KCNIP4: variants seen among roughly 807,000 people sequenced by gnomAD.
KCNIP4 encodes Kv channel-interacting protein 4.
Under a neutral mutation model 34.0 loss-of-function variants are expected in KCNIP4, and 12 were observed. The ratio of observed to expected loss-of-function variants is 0.35; its 90% CI spans 0.23 to 0.57. The LOEUF (loss-of-function observed/expected upper bound fraction) is 0.57, where lower values mean the gene tolerates loss of function less well. KCNIP4 is among the 20% of genes least tolerant of loss of function. The pLI is 0.83. For synonymous variants in KCNIP4, 124 were observed against 102.2 expected, an observed-to-expected ratio of 1.21 and a Z score of -1.29; for missense variants, 238 against 311.7, an observed-to-expected ratio of 0.76 and a Z score of 1.78.
At chr4:20,873,648 C>T (rs183275619) in intron 2 of KCNIP4, among the ~76,000 whole-genome samples, 1 of 152,250 alleles carries the variant, frequency 6.6e-6, no homozygotes, top group African/African-American at 2.4e-5. Context: ...CACATCATCC[C>T]TTCTAAAATT....
In KCNIP4 at chr4:21,234,417, CTATATATATTACATATAACGTATAT is replaced by C. The variant is rs1560199384; in HGVS notation, c.62-351733_62-351709del. 1.4e-4 allele frequency among the ~76,000 whole-genome samples: 18 copies of C among 125,174 alleles called. 4 individuals are homozygous for C. Among genetic ancestry groups the C allele is most frequent in the African/African-American group, 4.5e-4 (14 of 31,286 alleles). 82.1% of individuals were successfully genotyped at this position (125,174 alleles called of 152,430 possible). Reference sequence around the variant, plus strand: ...TATATAATATATTATATAACATATACTATATATATTACATATAACGTATATAATATATATTACATATAACGTATAT... The same window carrying C: ...TATATAATATATTATATAACATATACAATATATATTACATATAACGTATAT... On this transcript the variant is annotated intron_variant, in intron 1 of 8. Transcript: ENST00000382152.
At chr4:21,586,597 A>T (rs2109083638) in intron 1 of KCNIP4, among the ~76,000 whole-genome samples, 1 of 152,188 alleles carries the variant, frequency 6.6e-6, no homozygotes, top group South Asian at 2.1e-4. Flanking sequence ...AAGATTTAAG[A>T]TCTTCCCTTT....
chr4:21,331,524 A>C (rs930575560), intron 1 of KCNIP4, among the ~76,000 whole-genome samples: 27 of 152,154 alleles, frequency 1.8e-4, no homozygotes, highest in African/African-American at 6.5e-4. Flanking sequence ...GCTGGGGCCC[A>C]GTAAATTGTA....
At chr4:20,786,373 A>G (rs1578616135) in intron 3 of KCNIP4, among the ~76,000 whole-genome samples, 1 of 152,192 alleles carries the variant, frequency 6.6e-6, no homozygotes, top group Non-Finnish European at 1.5e-5. Flanking sequence ...GTTGGGATCA[A>G]TAGAAGCCTA....
chr4:21,803,985 C>A (rs1721150967), intron 1 of KCNIP4, among the ~76,000 whole-genome samples: 1 of 152,136 alleles, frequency 6.6e-6, no homozygotes, highest in South Asian at 2.1e-4. Flanking sequence ...AGGGAGAAAG[C>A]AACCACGTGG....
intron 1 of KCNIP4, among the ~76,000 whole-genome samples, chr4:21,618,912 C>T (rs1292344121): frequency 6.6e-6 from 1 of 152,038 alleles, no homozygotes; most frequent in Non-Finnish European, 1.5e-5. Context: ...GGATAAGAGA[C>T]ATGAGCCACC....
intron 1 of KCNIP4, among the ~76,000 whole-genome samples, chr4:21,902,201 G>T (rs1034367321): frequency 4.6e-5 from 7 of 152,018 alleles, no homozygotes; most frequent in Non-Finnish European, 7.4e-5. Flanking sequence ...ATAAGATCTG[G>T]GAGTTGAGGC....
intron 1 of KCNIP4, among the ~76,000 whole-genome samples, chr4:21,557,373 G>GA (rs1413566772): frequency 1.3e-5 from 2 of 152,118 alleles, no homozygotes; most frequent in East Asian, 3.9e-4. Context: ...TACAATATTG[G>GA]AAAAAAATAG....
intron 3 of KCNIP4, among the ~76,000 whole-genome samples, chr4:20,827,670 T>C (rs10031021): frequency 0.41 from 62,024 of 151,842 alleles, 13,401 homozygotes; most frequent in Non-Finnish European, 0.49. Context: ...CATTGGTCAG[T>C]ATTCTGAGCT....
chr4:21,144,525 C>A (rs1752209724), intron 1 of KCNIP4, among the ~76,000 whole-genome samples: 1 of 152,144 alleles, frequency 6.6e-6, no homozygotes, highest in South Asian at 2.1e-4. Flanking sequence ...AATAAAGAAA[C>A]CAAAACTCAG....
intron 1 of KCNIP4, among the ~76,000 whole-genome samples, chr4:21,038,323 C>T (rs1054015368): frequency 1.3e-5 from 2 of 152,170 alleles, no homozygotes; most frequent in African/African-American, 4.8e-5. Context: ...CTCAGATTAT[C>T]ACTAAATTTA....
intron 3 of KCNIP4, among the ~76,000 whole-genome samples, chr4:20,818,296 G>A (rs1053943047): frequency 2.6e-5 from 4 of 152,238 alleles, no homozygotes; most frequent in African/African-American, 9.6e-5. Flanking sequence ...CAGAAGGGCA[G>A]AGTATTGGGG....
chr4:21,406,605 T>A (rs765771169), intron 1 of KCNIP4, among the ~76,000 whole-genome samples: 2 of 152,198 alleles, frequency 1.3e-5, no homozygotes, highest in African/African-American at 2.4e-5. Flanking sequence ...ATTGCCTACA[T>A]AAATATGACA....
chr4:21,072,078 T>C (rs1744994382), intron 1 of KCNIP4, among the ~76,000 whole-genome samples: 1 of 152,228 alleles, frequency 6.6e-6, no homozygotes, highest in African/African-American at 2.4e-5. Flanking sequence ...GTCTTTGCTA[T>C]TGTGAATAGT....
At chr4:21,144,677 C>G (rs1427053038) in intron 1 of KCNIP4, among the ~76,000 whole-genome samples, 1 of 152,166 alleles carries the variant, frequency 6.6e-6, no homozygotes, top group African/African-American at 2.4e-5. Flanking sequence ...TCCTTTCACC[C>G]TAACCCAGCA....
At chr4:21,401,046 A>T (rs568052233) in intron 1 of KCNIP4, among the ~76,000 whole-genome samples, 54 of 152,236 alleles carry the variant, frequency 3.5e-4, no homozygotes, top group Non-Finnish European at 1.0e-4. Context: ...CCGTAATCCT[A>T]GCTACTCGGG....
intron 3 of KCNIP4, among the ~76,000 whole-genome samples, chr4:20,828,609 A>G (rs1718054342): frequency 6.6e-6 from 1 of 152,194 alleles, no homozygotes; most frequent in African/African-American, 2.4e-5. Context: ...CATCCTCTGC[A>G]ATGGAATGGG....
At chr4:21,836,875 T>C (rs1011071905) in intron 1 of KCNIP4, among the ~76,000 whole-genome samples, 2 of 151,652 alleles carry the variant, frequency 1.3e-5, no homozygotes, top group Non-Finnish European at 2.9e-5. Flanking sequence ...GGTATTAATA[T>C]GTTGCTGAAG....
intron 1 of KCNIP4, among the ~76,000 whole-genome samples, chr4:21,626,574 T>A (rs1169413332): frequency 6.6e-6 from 1 of 151,958 alleles, no homozygotes; most frequent in Non-Finnish European, 1.5e-5. Context: ...CAGGCCATGG[T>A]GTTTTGTTAT....
Sources: gnomAD v4.1 joint callset for allele counts (sites outside exome capture counted in the v4.1 genomes callset) on GRCh38, gnomAD v4.1.1 for gene constraint, MANE v1.5 for transcripts, NCBI Gene and HGNC (gene_info 2026-07-23, HGNC 2026-07-21) for gene names.